NRG1: variants seen among roughly 807,000 people sequenced by gnomAD.
NRG1 encodes neuregulin 1, also known as pro-neuregulin-1, membrane-bound isoform.
A neutral mutation model predicts 63.8 loss-of-function variants in NRG1; 18 were observed. The ratio of observed to expected loss-of-function variants is 0.28; its 90% CI spans 0.19 to 0.42. The LOEUF is 0.42. Among genes scored for constraint, NRG1 ranks in the 10% least tolerant of loss-of-function variants. The pLI, the probability that NRG1 is intolerant of heterozygous loss-of-function variation, is 1.00. For missense variants in NRG1, 762 were observed against 814.7 expected (o/e 0.94, Z 0.79); for synonymous variants, 302 against 301.3 (o/e 1.00, Z -0.02).
At chr8:32,515,792 CT>C (rs1829764060) in intron 1 of NRG1, among the ~76,000 whole-genome samples, 1 of 152,038 alleles carries the variant, frequency 6.6e-6, no homozygotes, top group Admixed American at 6.6e-5. Context: ...GATTTAAGTT[CT>C]TTATAGAATC....
At chr8:32,579,740 G>T (rs1414103378) in intron 1 of NRG1, among the ~76,000 whole-genome samples, 1 of 152,124 alleles carries the variant, frequency 6.6e-6, no homozygotes, top group African/African-American at 2.4e-5. Context: ...TATTGCTCCT[G>T]TAACAAATTA....
chr8:31,828,410 G>C (rs995173605), intron 1 of NRG1, among the ~76,000 whole-genome samples: 1 of 152,158 alleles, frequency 6.6e-6, no homozygotes, highest in Non-Finnish European at 1.5e-5. Context: ...TTACATTAAA[G>C]GGTCAAAATT....
intron 1 of NRG1, chr8:32,098,570 C>T (rs778659262): frequency 1.3e-5 from 2 of 152,182 alleles, no homozygotes; most frequent in Non-Finnish European, 2.9e-5. Context: ...AATTGTCTGA[C>T]ATTTTAATAC....
intron 1 of NRG1, among the ~76,000 whole-genome samples, chr8:32,337,465 T>A (rs1803419172): frequency 6.6e-6 from 1 of 151,736 alleles, no homozygotes; most frequent in South Asian, 2.1e-4. Context: ...TTGTCTGTTT[T>A]ATAAGTAGAG....
intron 5 of NRG1, among the ~76,000 whole-genome samples, chr8:32,711,394 G>T (rs1817771130): frequency 6.6e-6 from 1 of 151,962 alleles, no homozygotes; most frequent in African/African-American, 2.4e-5. Context: ...GATAACTCTT[G>T]GATTTTATCT....
rs368895359 is a variant in NRG1, at chr8:32,302,759, T to A, written c.38-293069T>A. On this transcript the variant is annotated intron_variant, in intron 1 of 10. Transcript: ENST00000519301. Reference sequence around the variant, plus strand: ...TGTGTGATGTAACCATATGCCAATTTTTTTCTTTGACTATTGACTCACTAT... The same window carrying A: ...TGTGTGATGTAACCATATGCCAATTATTTTCTTTGACTATTGACTCACTAT... Among the ~76,000 whole-genome samples, 12 of 137,242 alleles carry A rather than the reference T, an allele frequency of 8.7e-5. No individual in the cohort carries two copies. In the East Asian group the frequency reaches 2.6e-3, roughly 30 times the overall value. 90.0% of individuals were successfully genotyped at this position (137,242 alleles called of 152,430 possible).
chr8:32,704,113 A>T (rs896512668), intron 5 of NRG1, among the ~76,000 whole-genome samples: 2 of 152,242 alleles, frequency 1.3e-5, no homozygotes, highest in African/African-American at 4.8e-5. Flanking sequence ...ACCAGATATC[A>T]TAGCAAGGAA....
At chr8:32,314,462 C>T (rs1420856605) in intron 1 of NRG1, among the ~76,000 whole-genome samples, 6 of 152,200 alleles carry the variant, frequency 3.9e-5, no homozygotes, top group South Asian at 2.1e-4. Context: ...ACTAAGTAGA[C>T]GTGCTATTAC....
chr8:31,871,145 T>G (rs1829446766), intron 1 of NRG1, among the ~76,000 whole-genome samples: 1 of 152,006 alleles, frequency 6.6e-6, no homozygotes, highest in Admixed American at 6.6e-5. Flanking sequence ...CCCAGCCAAT[T>G]TTTGTGTTTT....
chr8:32,646,947 A>C, intron 5 of NRG1: 4 of 984,942 alleles, frequency 4.1e-6, no homozygotes, highest in Non-Finnish European at 4.8e-6. Flanking sequence ...TGGATGAAGA[A>C]GGGAAAGAAA....
At chr8:32,528,588 C>T (rs1431681738) in intron 1 of NRG1, among the ~76,000 whole-genome samples, 7 of 152,162 alleles carry the variant, frequency 4.6e-5, no homozygotes, top group Non-Finnish European at 1.0e-4. Context: ...TTTACTCTTT[C>T]TCAGAGAAAT....
intron 1 of NRG1, among the ~76,000 whole-genome samples, chr8:32,408,135 G>A (rs1259973101): frequency 6.6e-6 from 1 of 152,180 alleles, no homozygotes; most frequent in African/African-American, 2.4e-5. Flanking sequence ...TTACTGCTAG[G>A]TCACTGAACA....
At chr8:32,575,428 G>T (rs1019983489) in intron 1 of NRG1, among the ~76,000 whole-genome samples, 7 of 151,992 alleles carry the variant, frequency 4.6e-5, no homozygotes, top group African/African-American at 1.7e-4. Context: ...GGAAGGGTTG[G>T]GGATGGGAAA....
intron 1 of NRG1, among the ~76,000 whole-genome samples, chr8:32,572,518 T>C (rs758854962): frequency 2.6e-5 from 4 of 152,334 alleles, no homozygotes; most frequent in Non-Finnish European, 5.9e-5. Context: ...TTAACTGCAA[T>C]GTACTATCCT....
chr8:32,533,037 C>CAA (rs11419276), intron 1 of NRG1, among the ~76,000 whole-genome samples: 16 of 147,576 alleles, frequency 1.1e-4, no homozygotes, highest in South Asian at 2.1e-4. Context: ...GATGTTTCAC[C>CAA]AAAAAAAAAA....
intron 5 of NRG1, chr8:32,647,529 A>T: frequency 2.0e-6 from 2 of 985,312 alleles, no homozygotes; most frequent in Non-Finnish European, 2.4e-6. Flanking sequence ...ATATACTTTG[A>T]TTTTGTAGTT....
chr8:32,156,721 AGTGTTCAAG>A (rs1292712761), intron 1 of NRG1, among the ~76,000 whole-genome samples: 2 of 152,206 alleles, frequency 1.3e-5, no homozygotes, highest in Non-Finnish European at 2.9e-5. Flanking sequence ...CTTTTTTAAA[AGTGTTCAAG>A]GGCCCAGGAG....
chr8:32,043,955 A>G (rs1054501029), intron 1 of NRG1, among the ~76,000 whole-genome samples: 1 of 151,988 alleles, frequency 6.6e-6, no homozygotes, highest in Admixed American at 6.6e-5. Context: ...AAGCATATCT[A>G]TACTTGCATT....
At chr8:31,961,996 A>G (rs369772142) in intron 1 of NRG1, among the ~76,000 whole-genome samples, 1 of 29,628 alleles carries the variant, frequency 3.4e-5, no homozygotes, top group Non-Finnish European at 4.0e-4. Flanking sequence ...TGGAGGCATT[A>G]CTCATGAACT....
Sources: allele counts gnomAD v4.1 joint callset (sites outside exome capture counted in the v4.1 genomes callset), GRCh38; gene constraint gnomAD v4.1.1; transcripts MANE v1.5; gene names NCBI Gene and HGNC (gene_info 2026-07-23, HGNC 2026-07-21).